The following TRIM58 variants were observed in gnomAD, a reference collection of about 807,000 sequenced individuals.
The protein encoded by TRIM58 is tripartite motif containing 58, also known as E3 ubiquitin-protein ligase TRIM58.
In TRIM58, 38 loss-of-function variants were observed where a neutral mutation model predicts 34.1. That is an observed-to-expected ratio of 1.12 (90% CI 0.86 to 1.46). The LOEUF (loss-of-function observed/expected upper bound fraction) is 1.46. Ranked by LOEUF, TRIM58 falls within the 40% of genes most tolerant of loss-of-function variation. The probability of loss-of-function intolerance (pLI) is 0.00; values close to 1 mark genes in which losing one functional copy is unlikely to be tolerated. For synonymous variants in TRIM58, 273 were observed against 275.7 expected (o/e 0.99, Z 0.10); for missense variants, 677 against 642.0 (o/e 1.05, Z -0.59).
Position 247,879,207 on chromosome 1 carries a change from T to C in TRIM58, c.*2718T>C, listed in dbSNP as rs904585781. Reference sequence around the variant, plus strand: ...GTCACTGGATGGCAACTCCATTCTTTTGATTGCTTAAGCCAGGCATCCGAT... The same window carrying C: ...GTCACTGGATGGCAACTCCATTCTTCTGATTGCTTAAGCCAGGCATCCGAT... On this transcript the variant is annotated 3_prime_UTR_variant, in exon 6 of 6. Transcript: ENST00000366481. Among the ~76,000 whole-genome samples the C allele has an allele frequency of 2.6e-5, 4 of 152,310 alleles. No individual in the cohort carries two copies. Among genetic ancestry groups the C allele is most frequent in the East Asian group, 3.9e-4 (2 of 5,180 alleles).
intron 2 of TRIM58, among the ~76,000 whole-genome samples, chr1:247,862,376 G>A (rs1663813279): frequency 6.6e-6 from 1 of 152,072 alleles, no homozygotes; most frequent in Admixed American, 6.5e-5. Context: ...TAGGTGATAG[G>A]GATATAGCAG....
chr1:247,865,994 C>T (rs1203095454), intron 3 of TRIM58, among the ~76,000 whole-genome samples: 3 of 152,084 alleles, frequency 2.0e-5, no homozygotes, highest in African/African-American at 7.2e-5. Flanking sequence ...GATTATGAGG[C>T]AGGGGACCAT....
chr1:247,864,814 G>A lies in TRIM58; in HGVS notation c.626G>A (p.Arg209Gln), dbSNP rs766349267. The change falls in exon 3 of 6, where the codon CGA becomes CAA. Residue 209 changes from arginine (R) to glutamine (Q), a missense_variant. Transcript: ENST00000366481. ...CTGAGGCGGCTGGAGGCGGAGGAGCGAGCGACGCTGCAGAGACTGCGGGAG... is the reference window on the plus strand; with the variant it reads ...CTGAGGCGGCTGGAGGCGGAGGAGCAAGCGACGCTGCAGAGACTGCGGGAG... ...RQLRRLEAEERATLQRLRESK... is the reference protein window; with the variant it reads ...RQLRRLEAEEQATLQRLRESK... The A allele has an allele frequency of 7.4e-6, 12 of 1,613,770 alleles. No homozygotes were observed. Among genetic ancestry groups the A allele is most frequent in the Admixed American group, 3.3e-5 (2 of 59,996 alleles).
At chr1:247,862,307 CTT>C (rs1163207174) in intron 2 of TRIM58, among the ~76,000 whole-genome samples, 4 of 152,086 alleles carry the variant, frequency 2.6e-5, no homozygotes, top group South Asian at 2.1e-4. Flanking sequence ...TACTGACAAA[CTT>C]ATCAATATTA....
chr1:247,868,136 A>C, intron 5 of TRIM58, 73 bp downstream of exon 5: 1 of 1,339,186 alleles, frequency 7.5e-7, no homozygotes, highest in Middle Eastern at 2.6e-4. Context: ...TGCATCTTAG[A>C]GACTGGGAAT....
At chr1:247,863,850 T>A (rs4925572) in intron 2 of TRIM58, among the ~76,000 whole-genome samples, 1 of 151,964 alleles carries the variant, frequency 6.6e-6, no homozygotes, top group Non-Finnish European at 1.5e-5. Flanking sequence ...ATTAATTCTC[T>A]GACGTGAACT....
chr1:247,865,842 A>G (rs1401896321), intron 3 of TRIM58, among the ~76,000 whole-genome samples: 1 of 152,148 alleles, frequency 6.6e-6, no homozygotes, highest in Non-Finnish European at 1.5e-5. Flanking sequence ...TTCTAAACTA[A>G]GTGATGCATG....
chr1:247,868,145 A>G, intron 5 of TRIM58, 82 bp downstream of exon 5: 1 of 1,221,636 alleles, frequency 8.2e-7, no homozygotes, highest in Admixed American at 2.1e-5. Context: ...GAGACTGGGA[A>G]TGAGGCTGCC....
rs751720426 is a variant in TRIM58 at position 247,876,074 on chromosome 1, A to G, written c.1046A>G (p.Glu349Gly). Residue 349 changes from glutamate to glycine, a missense_variant, in exon 6 of 6, where the codon GAG (glutamate) becomes GGG (glycine). By Grantham distance (98) the Glu-to-Gly change is moderately conservative. Coordinates refer to ENST00000366481, the MANE Select transcript of TRIM58 (RefSeq NM_015431.4). ...TTCTCATCAGGGAGGCATTACTGGG[A>G]GGTTCTGGTGGGAGAAGGAGCAGAG... ...QSFSSGRHYW[E>G]VLVGEGAEWG... The G allele has an allele frequency of 6.2e-7, 1 of 1,614,096 alleles. No homozygotes were observed.
At chr1:247,865,518 T>C (rs1663898435) in intron 3 of TRIM58, among the ~76,000 whole-genome samples, 1 of 152,184 alleles carries the variant, frequency 6.6e-6, no homozygotes, top group Non-Finnish European at 1.5e-5. Flanking sequence ...TTGTCCAGCT[T>C]GAAATTGTTA....
chr1:247,857,385 T>C lies in TRIM58; in HGVS notation c.139T>C (p.Ser47Pro). 6.6e-7 allele frequency: 1 copy of C among 1,525,692 alleles called. No individual in the cohort carries two copies. 94.5% of individuals were successfully genotyped at this position (1,525,692 alleles called of 1,614,324 possible). Reference sequence around the variant, plus strand: ...GTGCATCTCCGAGTTCTGCGAGAAGTCGGACGGCGCGCAGGGCGGCGTCTA... The same window carrying C: ...GTGCATCTCCGAGTTCTGCGAGAAGCCGGACGGCGCGCAGGGCGGCGTCTA... The part of the protein sequence containing the change: ...LRCISEFCEK[S>P]DGAQGGVYAC... The change falls in exon 1 of 6, where the codon TCG becomes CCG. Residue 47 changes from serine (S) to proline (P), a missense_variant. Physicochemically the swap from Ser to Pro is moderately conservative, Grantham distance 74. Coordinates refer to ENST00000366481, the MANE Select transcript of TRIM58 (RefSeq NM_015431.4).
Position 247,857,474 on chromosome 1 carries a change from G to C in TRIM58, c.228G>C (p.Ala76=). Residue 76 remains alanine, a synonymous_variant, in exon 1 of 6, where the codon GCG becomes GCC. Transcript: ENST00000366481. ...GCTTTCGCCCCAACCGGCAGCTGGC[G>C]GGCCTGGTGGAGAGCGTGCGGCGGC... is the stretch of plus-strand genomic sequence containing the variant. ...PSGFRPNRQL[A]GLVESVRRLG... 7.3e-7 allele frequency: 1 copy of C among 1,361,820 alleles called. No homozygotes were observed. 84.4% of individuals were successfully genotyped at this position (1,361,820 alleles called of 1,614,324 possible).
Position 247,875,251 on chromosome 1 carries a change from A to G in TRIM58, c.872-649A>G, listed in dbSNP as rs1659254628. Among the ~76,000 whole-genome samples the G allele has an allele frequency of 2.0e-5, 3 of 152,154 alleles. No individual in the cohort carries two copies. The South Asian group carries it at 6.2e-4, about 32-fold the overall frequency. On this transcript the variant is annotated intron_variant, in intron 5 of 5. Coordinates refer to ENST00000366481, the MANE Select transcript of TRIM58 (RefSeq NM_015431.4). ...GAATTCCGCCTACCACAGTAATATAACTTTGGAAGTAGTGGATTTAATATT... is the reference window on the plus strand; with the variant it reads ...GAATTCCGCCTACCACAGTAATATAGCTTTGGAAGTAGTGGATTTAATATT...
At chr1:247,866,425 C>T (rs564230846) in intron 3 of TRIM58, among the ~76,000 whole-genome samples, 6 of 152,194 alleles carry the variant, frequency 3.9e-5, no homozygotes, top group South Asian at 2.1e-4. Flanking sequence ...TTAGGTGATC[C>T]GCCCACTTTG....
Position 247,857,220 on chromosome 1 carries a change from G to A in TRIM58, c.-27G>A, listed in dbSNP as rs1663647988. 5 of 1,308,052 alleles carry A rather than the reference G, an allele frequency of 3.8e-6. No homozygotes were observed. The highest frequency in any genetic ancestry group is 4.9e-6 in the Non-Finnish European group (5 of 1,022,628). 81.0% of individuals were successfully genotyped at this position (1,308,052 alleles called of 1,614,324 possible). ...CGAGGGGAGACGGTGCGGGCGGCCG[G>A]GAGCGCAGCCCTCCGGGAGGCGGGT... On this transcript the variant is annotated 5_prime_UTR_variant, in exon 1 of 6. Transcript: ENST00000366481.
Position 247,861,236 on chromosome 1 carries a change from T to TAC in TRIM58, c.516+536_516+537dup, listed in dbSNP as rs140373603. Among the ~76,000 whole-genome samples the TAC allele has an allele frequency of 2.1e-4, 32 of 151,930 alleles. No individual in the cohort carries two copies. The East Asian group carries it at 2.9e-3, about 14-fold the overall frequency. The stretch of plus-strand genomic sequence containing the variant: ...TCATGCACATGTGCGTGCACACGTG[T>TAC]ACACACACACACAGTGATTCATACA... On this transcript the variant is annotated intron_variant, in intron 2 of 5. Transcript: ENST00000366481.
Position 247,868,072 on chromosome 1 carries a change from A to G in TRIM58, c.871+9A>G, listed in dbSNP as rs1663971986. 1 of 1,594,626 alleles carries G rather than the reference A, an allele frequency of 6.3e-7. No individual in the cohort carries two copies. The highest frequency in any genetic ancestry group is 8.5e-7 in the Non-Finnish European group (1 of 1,170,436). On this transcript the variant is annotated intron_variant, in intron 5 of 5. Coordinates refer to ENST00000366481, the MANE Select transcript of TRIM58 (RefSeq NM_015431.4). ...CTTAAGGAAGTTCCAAGGTAGTTGC[A>G]TCTTAGAGACTGGGAATTAGGCTGC...
At chr1:247,870,231 A>G (rs1169849450) in intron 5 of TRIM58, among the ~76,000 whole-genome samples, 7 of 152,192 alleles carry the variant, frequency 4.6e-5, no homozygotes, top group Admixed American at 1.3e-4. Flanking sequence ...TTTAGGGTAA[A>G]ATTCCCTGGT....
At chr1:247,872,022 G>A (rs1355246479) in intron 5 of TRIM58, among the ~76,000 whole-genome samples, 3 of 152,226 alleles carry the variant, frequency 2.0e-5, no homozygotes, top group Non-Finnish European at 2.9e-5. Context: ...GAGGATGGCA[G>A]GTGTGTTCCA....
Sources: allele counts gnomAD v4.1 joint callset (sites outside exome capture counted in the v4.1 genomes callset), GRCh38; gene constraint gnomAD v4.1.1; transcripts MANE v1.5; gene names NCBI Gene and HGNC (gene_info 2026-07-23, HGNC 2026-07-21).